FAM13A: variants seen among roughly 807,000 people sequenced by gnomAD.
The protein encoded by FAM13A is protein FAM13A.
Under a neutral mutation model 129.6 loss-of-function variants are expected in FAM13A, and 76 were observed. The observed-to-expected ratio is 0.59, with a 90% confidence interval of 0.49 to 0.71. The LOEUF (loss-of-function observed/expected upper bound fraction) is 0.71. Ranked by LOEUF, FAM13A falls within the 30% of genes least tolerant of loss-of-function variation. FAM13A has a pLI of 0.00. For missense variants in FAM13A, 1,108 were observed against 1,249.3 expected, an observed-to-expected ratio of 0.89 and a Z score of 1.70; for synonymous variants, 443 against 449.9, an observed-to-expected ratio of 0.98 and a Z score of 0.20.
chr4:89,038,163 T>G (rs17014963), intron 1 of FAM13A, among the ~76,000 whole-genome samples: 7 of 152,234 alleles, frequency 4.6e-5, no homozygotes, highest in Non-Finnish European at 8.8e-5. Flanking sequence ...ATTACCTGTA[T>G]GCAGCTCTGT....
Position 88,986,483 on chromosome 4 carries a change from A to G in FAM13A, c.605+4490T>C, listed in dbSNP as rs182040740. On this transcript the variant is annotated intron_variant, in intron 4 of 23. Coordinates refer to ENST00000264344, the MANE Select transcript of FAM13A (RefSeq NM_014883.4). ...GTGTTATAAAAATTTAAACAAAATT[A>G]CATTGAAAAGGAAAAGAAGCTCTGC... Among the ~76,000 whole-genome samples, 6 of 152,392 alleles carry G rather than the reference A, an allele frequency of 3.9e-5. No homozygotes were observed. In the South Asian group the frequency reaches 6.2e-4, roughly 16 times the overall value.
Position 89,002,890 on chromosome 4 carries a change from T to C in FAM13A, c.428-11740A>G, listed in dbSNP as rs1244364299. On this transcript the variant is annotated intron_variant, in intron 3 of 23. Transcript: ENST00000264344. ...ATCAAAAGTGAGATTATTTTGGATA[T>C]TAAAAATAGAAAAGCTAAAATTAAA... is the stretch of plus-strand genomic sequence containing the variant. Among the ~76,000 whole-genome samples the C allele has an allele frequency of 2.0e-5, 3 of 151,932 alleles. No homozygotes were observed. The East Asian group carries it at 5.8e-4, about 29-fold the overall frequency.
At position 88,985,094 on chromosome 4, in the gene FAM13A, ATAT is replaced by A. The variant is rs1181976014; in HGVS notation, c.605+5876_605+5878del. ...TCAACTGGTGTGTCTCTACACTGAA[ATAT>A]TATTCTGCCATAAAAGGAATGATGT... On this transcript the variant is annotated intron_variant, in intron 4 of 23. Transcript: ENST00000264344. 5.3e-5 allele frequency among the ~76,000 whole-genome samples: 8 copies of A among 152,346 alleles called. No homozygotes were observed. The East Asian group carries it at 1.5e-3, about 29-fold the overall frequency.
At chr4:88,838,477 C>A (rs1052119817) in intron 7 of FAM13A, among the ~76,000 whole-genome samples, 2 of 152,130 alleles carry the variant, frequency 1.3e-5, no homozygotes, top group South Asian at 4.2e-4. Context: ...GTGGCTCATG[C>A]CTGTAATCCC....
intron 11 of FAM13A, among the ~76,000 whole-genome samples, chr4:88,774,211 G>A (rs988710115): frequency 3.9e-5 from 6 of 152,110 alleles, no homozygotes; most frequent in Admixed American, 1.3e-4. Flanking sequence ...TGTCCTCTAC[G>A]ATATCGATCC....
chr4:88,832,080 T>C (rs145945635), intron 7 of FAM13A, among the ~76,000 whole-genome samples: 2 of 152,056 alleles, frequency 1.3e-5, no homozygotes, highest in African/African-American at 2.4e-5. Flanking sequence ...AGAAATAACA[T>C]TGCACACCTA....
At position 88,766,736 on chromosome 4, in the gene FAM13A, T is replaced by A. The variant is rs564894411; in HGVS notation, c.1578+817A>T. Among the ~76,000 whole-genome samples the A allele has an allele frequency of 3.3e-5, 5 of 152,284 alleles. No individual in the cohort carries two copies. In the East Asian group the frequency reaches 9.6e-4, roughly 29 times the overall value. Reference sequence around the variant, plus strand: ...GATTTAATATATGTTGTTGAATAAATCCATCAGTGAATTAGGTCAGTGCCC... The same window carrying A: ...GATTTAATATATGTTGTTGAATAAAACCATCAGTGAATTAGGTCAGTGCCC... On this transcript the variant is annotated intron_variant, in intron 13 of 23. Coordinates refer to ENST00000264344, the MANE Select transcript of FAM13A (RefSeq NM_014883.4).
chr4:88,749,634 T>C (rs1742127251), intron 16 of FAM13A, 137 bp downstream of exon 16: 1 of 778,576 alleles, frequency 1.3e-6, no homozygotes, highest in Non-Finnish European at 2.1e-6. Flanking sequence ...GGGTGTACTA[T>C]CCAGGGTTTA....
intron 13 of FAM13A, among the ~76,000 whole-genome samples, chr4:88,762,356 G>A (rs1218121795): frequency 1.3e-5 from 2 of 152,172 alleles, no homozygotes; most frequent in African/African-American, 4.8e-5. Context: ...CAGCAGTGGA[G>A]AGATCCCTCC....
chr4:88,797,584 T>A (rs894066673), intron 8 of FAM13A, among the ~76,000 whole-genome samples: 3 of 152,164 alleles, frequency 2.0e-5, no homozygotes, highest in Admixed American at 2.0e-4. Flanking sequence ...GTTTTTATCT[T>A]TATCCTGTTC....
At chr4:88,959,485 C>T (rs1296966630) in intron 4 of FAM13A, among the ~76,000 whole-genome samples, 1 of 152,204 alleles carries the variant, frequency 6.6e-6, no homozygotes, top group Non-Finnish European at 1.5e-5. Flanking sequence ...CTCTGCCACT[C>T]TCTCATTTGT....
chr4:88,778,281 C>T (rs760578567), intron 11 of FAM13A, among the ~76,000 whole-genome samples: 2 of 152,196 alleles, frequency 1.3e-5, no homozygotes, highest in African/African-American at 2.4e-5. Flanking sequence ...ACTCCCAAAA[C>T]GTCTATCTTC....
intron 4 of FAM13A, among the ~76,000 whole-genome samples, chr4:88,945,621 T>C (rs1226561630): frequency 4.0e-5 from 6 of 151,772 alleles, no homozygotes; most frequent in African/African-American, 1.2e-4. Context: ...ACAGTGCACC[T>C]AGCGGGAAGC....
In FAM13A at chr4:88,797,334, A is replaced by C. The variant is rs35483673; in HGVS notation, c.1050-6707T>G. 8.7e-3 allele frequency among the ~76,000 whole-genome samples: 1,316 copies of C among 150,782 alleles called. 37 individuals carry two copies. The East Asian group carries it at 0.095, about 11-fold the overall frequency. On this transcript the variant is annotated intron_variant, in intron 8 of 23. Coordinates refer to ENST00000264344, the MANE Select transcript of FAM13A (RefSeq NM_014883.4). Reference sequence around the variant, plus strand: ...CCCAGGCTGGAGGGAGTACAGTGGCATCATCATAGCTCACTGAAATCTCAA... The same window carrying C: ...CCCAGGCTGGAGGGAGTACAGTGGCCTCATCATAGCTCACTGAAATCTCAA...
rs369530632 is a variant in FAM13A, at chr4:88,919,234, G to A, written c.760-12772C>T. Among the ~76,000 whole-genome samples the A allele has an allele frequency of 4.6e-5, 7 of 152,356 alleles. No homozygotes were observed. The South Asian group carries it at 1.2e-3, about 27-fold the overall frequency. The stretch of plus-strand genomic sequence containing the variant: ...TGGTATTGAGCAGATGTATAAGACA[G>A]TCACCTATTAGTCACAAGTATTCAG... On this transcript the variant is annotated intron_variant, in intron 5 of 23. Coordinates refer to ENST00000264344, the MANE Select transcript of FAM13A (RefSeq NM_014883.4).
At chr4:88,921,311 G>T (rs917948184) in intron 5 of FAM13A, among the ~76,000 whole-genome samples, 1 of 152,266 alleles carries the variant, frequency 6.6e-6, no homozygotes, top group African/African-American at 2.4e-5. Context: ...GAAAGGTCGG[G>T]TTACCCACAA....
chr4:88,970,263 C>T (rs1239342827), intron 4 of FAM13A, among the ~76,000 whole-genome samples: 1 of 152,094 alleles, frequency 6.6e-6, no homozygotes. Flanking sequence ...CCCAGATATT[C>T]CTCTAATATA....
At chr4:89,041,530 TTAAA>T (rs1326400506) in intron 1 of FAM13A, among the ~76,000 whole-genome samples, 11 of 151,338 alleles carry the variant, frequency 7.3e-5, no homozygotes, top group South Asian at 6.3e-4. Flanking sequence ...CATAAATGGG[TTAAA>T]TAATGTATGT....
chr4:88,744,793 G>C (rs951924081), intron 19 of FAM13A, among the ~76,000 whole-genome samples: 3 of 152,066 alleles, frequency 2.0e-5, no homozygotes, highest in African/African-American at 4.8e-5. Context: ...GAGGAGGTTG[G>C]AGCATCATGT....
Sources: allele counts gnomAD v4.1 joint callset (sites outside exome capture counted in the v4.1 genomes callset), GRCh38; gene constraint gnomAD v4.1.1; transcripts MANE v1.5; gene names NCBI Gene and HGNC (gene_info 2026-07-23, HGNC 2026-07-21).